The following NOX4 variants were observed in gnomAD, a reference collection of about 807,000 sequenced individuals.
NOX4 encodes kidney oxidase-1.
In NOX4, 69 loss-of-function variants were observed where a neutral mutation model predicts 87.6. The observed-to-expected ratio is 0.79, with a 90% confidence interval of 0.65 to 0.96. The LOEUF (loss-of-function observed/expected upper bound fraction) is 0.96, where lower values mean the gene tolerates loss of function less well. Ranked by LOEUF, NOX4 falls within the 40% of genes least tolerant of loss-of-function variation. The pLI, the probability that NOX4 is intolerant of heterozygous loss-of-function variation, is 0.00. For synonymous variants in NOX4, 275 were observed against 238.2 expected, an observed-to-expected ratio of 1.15 and a Z score of -1.42; for missense variants, 680 against 681.5, an observed-to-expected ratio of 1.00 and a Z score of 0.02.
rs565751688 is a variant in NOX4, at chr11:89,480,027, C to G, written c.153+10431G>C. ...AATTGGCCTCCAGGAAAAGTCGGTC[C>G]TTAGTATATGCGGGTTTCATATCCT... On this transcript the variant is annotated intron_variant, in intron 2 of 17. Transcript: ENST00000263317. 7.9e-5 allele frequency among the ~76,000 whole-genome samples: 12 copies of G among 152,228 alleles called. No individual in the cohort carries two copies. In the South Asian group the frequency reaches 2.5e-3, roughly 32 times the overall value.
At chr11:89,581,536 G>T in the NOX4 span, among the ~76,000 whole-genome samples, 1 of 151,896 alleles carries the variant, frequency 6.6e-6, no homozygotes, top group Non-Finnish European at 1.5e-5. Context: ...GAAAATACTC[G>T]AATCTGAGTC....
the NOX4 span, among the ~76,000 whole-genome samples, chr11:89,566,043 C>CTTTTTTTTTTTTTTTTTTTTT: frequency 8.1e-6 from 1 of 122,862 alleles, no homozygotes; most frequent in African/African-American, 3.2e-5. Context: ...TTCTTTTTTT[C>CTTTTTTTTTTTTTTTTTTTTT]TTTTTTTTTT....
intron 11 of NOX4, among the ~76,000 whole-genome samples, chr11:89,388,052 C>G (rs1228004981): frequency 2.0e-5 from 3 of 152,122 alleles, no homozygotes; most frequent in South Asian, 2.1e-4. Context: ...CTTTAGACTT[C>G]TCAAATGTAA....
At chr11:89,512,665 T>C in the NOX4 span, among the ~76,000 whole-genome samples, 1 of 152,144 alleles carries the variant, frequency 6.6e-6, no homozygotes, top group East Asian at 1.9e-4. Context: ...ACTCCATTCT[T>C]CTGTCTATGG....
the NOX4 span, among the ~76,000 whole-genome samples, chr11:89,572,523 G>A: frequency 6.6e-6 from 1 of 150,384 alleles, no homozygotes; most frequent in South Asian, 2.1e-4. Flanking sequence ...AGAATTATAT[G>A]TTTTTTTGTT....
At chr11:89,354,229 C>A (rs184811374) in intron 13 of NOX4, among the ~76,000 whole-genome samples, 7 of 152,178 alleles carry the variant, frequency 4.6e-5, no homozygotes, top group Non-Finnish European at 8.8e-5. Flanking sequence ...ATTCTTTAGC[C>A]TGTTGCACAC....
At chr11:89,587,266 T>C in the NOX4 span, among the ~76,000 whole-genome samples, 1 of 152,118 alleles carries the variant, frequency 6.6e-6, no homozygotes, top group Admixed American at 6.6e-5. Flanking sequence ...TTAGATTTCT[T>C]TCCAAGGAGA....
At chr11:89,487,545 T>C (rs1946679778) in intron 2 of NOX4, among the ~76,000 whole-genome samples, 1 of 152,188 alleles carries the variant, frequency 6.6e-6, no homozygotes, top group Non-Finnish European at 1.5e-5. Flanking sequence ...ATTGTTTCTA[T>C]TTGCATTTTA....
At chr11:89,373,277 C>CAAAAAAAAAA (rs144113376) in intron 12 of NOX4, among the ~76,000 whole-genome samples, 155 bp downstream of exon 12, 2,693 of 56,254 alleles carry the variant, frequency 0.048, 3 homozygotes, top group Middle Eastern at 0.071. Flanking sequence ...ACTGTACAAG[C>CAAAAAAAAAA]AAAAAAAAAA....
At chr11:89,586,838 T>C in the NOX4 span, among the ~76,000 whole-genome samples, 4 of 152,182 alleles carry the variant, frequency 2.6e-5, no homozygotes, top group South Asian at 6.2e-4. Context: ...ATCATGTACA[T>C]TGACATGGAG....
chr11:89,369,869 T>G (rs1008450866), intron 12 of NOX4, among the ~76,000 whole-genome samples: 1 of 151,872 alleles, frequency 6.6e-6, no homozygotes, highest in African/African-American at 2.4e-5. Flanking sequence ...CATAATAAAG[T>G]AATAACATTA....
chr11:89,334,186 A>G (rs10830260), intron 17 of NOX4, among the ~76,000 whole-genome samples: 36,514 of 151,584 alleles, frequency 0.24, 4,564 homozygotes, highest in Middle Eastern at 0.3. Context: ...ATGGCACTAA[A>G]GAGGAACATG....
the NOX4 span, among the ~76,000 whole-genome samples, chr11:89,564,725 T>TTTG: frequency 6.7e-5 from 10 of 150,070 alleles, no homozygotes; most frequent in South Asian, 2.1e-4. Flanking sequence ...GGAGGAGTTT[T>TTTG]TTGTTGTTGT....
the NOX4 span, among the ~76,000 whole-genome samples, chr11:89,527,509 A>C: frequency 6.6e-6 from 1 of 152,132 alleles, no homozygotes; most frequent in Non-Finnish European, 1.5e-5. Context: ...AGGAGGGAAA[A>C]CTGGTTTTGT....
intron 11 of NOX4, among the ~76,000 whole-genome samples, chr11:89,384,018 G>A (rs532172044): frequency 3.3e-4 from 50 of 152,098 alleles, no homozygotes; most frequent in Admixed American, 2.8e-3. Context: ...GTAATCACTC[G>A]CCTGTTACAG....
chr11:89,425,677 TGAA>T (rs1943358358), intron 7 of NOX4, among the ~76,000 whole-genome samples: 1 of 152,130 alleles, frequency 6.6e-6, no homozygotes, highest in East Asian at 1.9e-4. Context: ...GGGGAATTAG[TGAA>T]GAAGAGCAAG....
chr11:89,466,933 G>C (rs1945720340), intron 2 of NOX4, among the ~76,000 whole-genome samples: 1 of 152,114 alleles, frequency 6.6e-6, no homozygotes, highest in Non-Finnish European at 1.5e-5. Context: ...ATGAAAACAT[G>C]GTGTATATGT....
chr11:89,529,969 CAAGAA>C, the NOX4 span, among the ~76,000 whole-genome samples: 1 of 151,964 alleles, frequency 6.6e-6, no homozygotes, highest in African/African-American at 2.4e-5. Context: ...AACAAAAACA[CAAGAA>C]AAGAACTGTA....
chr11:89,401,133 T>A (rs1941828028), intron 9 of NOX4, among the ~76,000 whole-genome samples: 1 of 152,090 alleles, frequency 6.6e-6, no homozygotes, highest in African/African-American at 2.4e-5. Flanking sequence ...CTTGTCTTAA[T>A]GGTCACTTTT....
Sources: gnomAD v4.1 joint callset for allele counts (sites outside exome capture counted in the v4.1 genomes callset) on GRCh38, gnomAD v4.1.1 for gene constraint, MANE v1.5 for transcripts, NCBI Gene and HGNC (gene_info 2026-07-23, HGNC 2026-07-21) for gene names.